The following ZNF407 variants were observed in gnomAD, a reference collection of about 807,000 sequenced individuals.
The protein encoded by ZNF407 is zinc finger protein 407.
ZNF407 carries 17 observed loss-of-function variants against 131.2 expected under a neutral mutation model. The observed-to-expected ratio is 0.13, with a 90% CI of 0.09 to 0.19. The LOEUF (loss-of-function observed/expected upper bound fraction) is 0.19. ZNF407 is among the 10% of genes least tolerant of loss of function. The pLI, the probability that ZNF407 is intolerant of heterozygous loss-of-function variation, is 1.00. For missense variants in ZNF407, 2,681 were observed against 2,830.6 expected (o/e 0.95, Z 1.20); for synonymous variants, 1,156 against 1,062.0 (o/e 1.09, Z -1.72).
chr18:74,943,467 CAGTT>C (rs1434622483), intron 8 of ZNF407, among the ~76,000 whole-genome samples: 1 of 152,136 alleles, frequency 6.6e-6, no homozygotes, highest in Non-Finnish European at 1.5e-5. Flanking sequence ...CATGAAAACA[CAGTT>C]TGTTTGTCAC....
At chr18:75,044,128 C>T (rs1973405175) in intron 8 of ZNF407, among the ~76,000 whole-genome samples, 1 of 152,076 alleles carries the variant, frequency 6.6e-6, no homozygotes, top group Non-Finnish European at 1.5e-5. Flanking sequence ...AGCAGTTGAC[C>T]TCTTCCGACA....
chr18:74,916,523 G>A (rs1282637690), intron 7 of ZNF407, among the ~76,000 whole-genome samples: 3 of 117,814 alleles, frequency 2.5e-5, no homozygotes, highest in East Asian at 2.7e-4. Context: ...GGTATGGTGA[G>A]GTTGTGTGCA....
chr18:74,697,025 G>A (rs1967375543), intron 3 of ZNF407, among the ~76,000 whole-genome samples: 1 of 152,210 alleles, frequency 6.6e-6, no homozygotes, highest in Non-Finnish European at 1.5e-5. Flanking sequence ...GTCTCCAAAT[G>A]ATAAGGCATA....
chr18:74,905,253 T>G (rs879879988), intron 7 of ZNF407: 8 of 152,260 alleles, frequency 5.3e-5, no homozygotes, highest in Non-Finnish European at 1.2e-4. Context: ...ACTTTCCATA[T>G]AAACCGAAGC....
intron 7 of ZNF407, among the ~76,000 whole-genome samples, chr18:74,911,513 C>T (rs751164952): frequency 7.2e-5 from 11 of 152,176 alleles, no homozygotes; most frequent in Non-Finnish European, 1.6e-4. Flanking sequence ...GATTTTTATA[C>T]ATGTGTCATA....
chr18:74,991,345 G>T (rs1972716525), intron 8 of ZNF407, among the ~76,000 whole-genome samples: 1 of 152,112 alleles, frequency 6.6e-6, no homozygotes, highest in Non-Finnish European at 1.5e-5. Context: ...GTTTTCAGTA[G>T]CTTTTACCTT....
At chr18:74,719,377 A>ACTTG (rs1469120960) in intron 3 of ZNF407, among the ~76,000 whole-genome samples, 2 of 112,972 alleles carry the variant, frequency 1.8e-5, no homozygotes, top group African/African-American at 6.1e-5. Context: ...TCTACTTTTT[A>ACTTG]CTTGCTTGCT....
intron 8 of ZNF407, among the ~76,000 whole-genome samples, chr18:74,973,716 G>A (rs1972498020): frequency 1.3e-5 from 2 of 152,170 alleles, no homozygotes; most frequent in South Asian, 4.1e-4. Flanking sequence ...CTGCGATCAA[G>A]GTGTTGGTCA....
chr18:74,856,071 C>T (rs1032375314), intron 4 of ZNF407, among the ~76,000 whole-genome samples: 4 of 152,110 alleles, frequency 2.6e-5, no homozygotes, highest in African/African-American at 4.8e-5. Context: ...TTGTTTTGTT[C>T]GGACTTTTTT....
chr18:75,002,822 G>C, intron 8 of ZNF407, among the ~76,000 whole-genome samples: 1 of 138,730 alleles, frequency 7.2e-6, no homozygotes, highest in Admixed American at 7.2e-5. Context: ...AAAAAAAAAA[G>C]AGGTCAGGAA....
intron 7 of ZNF407, among the ~76,000 whole-genome samples, chr18:74,916,343 T>G (rs1434354304): frequency 4.1e-5 from 2 of 49,058 alleles, no homozygotes; most frequent in Non-Finnish European, 7.7e-5. Flanking sequence ...GAATCGGGAG[T>G]GTGTGTGTGT....
chr18:74,676,726 G>GCACA (rs1555676105), intron 3 of ZNF407, among the ~76,000 whole-genome samples: 1 of 152,036 alleles, frequency 6.6e-6, no homozygotes, highest in Non-Finnish European at 1.5e-5. Flanking sequence ...GAGCCACTGT[G>GCACA]CCCGGCCAGT....
At chr18:74,675,555 C>G (rs1156242844) in intron 3 of ZNF407, among the ~76,000 whole-genome samples, 1 of 152,170 alleles carries the variant, frequency 6.6e-6, no homozygotes, top group Non-Finnish European at 1.5e-5. Context: ...TAATATAAAG[C>G]AGAGTATTGT....
chr18:74,638,919 T>C (rs2144684772), intron 2 of ZNF407, among the ~76,000 whole-genome samples: 1 of 152,274 alleles, frequency 6.6e-6, no homozygotes, highest in Admixed American at 6.5e-5. Flanking sequence ...AGGGCCCTTT[T>C]TTTTTCTTTA....
chr18:75,029,592 C>T (rs907316324), intron 8 of ZNF407, among the ~76,000 whole-genome samples: 6 of 152,048 alleles, frequency 3.9e-5, no homozygotes, highest in South Asian at 2.1e-4. Context: ...CGTGTGTGTG[C>T]GTATGTGTGC....
rs577406411 is a variant in ZNF407, at chr18:75,044,643, C to T, written c.5429-18507C>T. On this transcript the variant is annotated intron_variant, in intron 8 of 8. Coordinates refer to ENST00000299687, the MANE Select transcript of ZNF407 (RefSeq NM_017757.3). ...CACTATGGCCCGTGTCAAAAACTTG[C>T]GGATTGTTGTGATCATGAGGTTTCC... 1.8e-4 allele frequency among the ~76,000 whole-genome samples: 27 copies of T among 152,178 alleles called. No individual in the cohort carries two copies. The South Asian group carries it at 4.8e-3, about 27-fold the overall frequency.
At chr18:75,016,644 C>T (rs917043597) in intron 8 of ZNF407, among the ~76,000 whole-genome samples, 1 of 152,088 alleles carries the variant, frequency 6.6e-6, no homozygotes, top group Admixed American at 6.6e-5. Flanking sequence ...AGGATATCGA[C>T]AACAATAAAG....
At chr18:74,628,708 C>T (rs926411868) in intron 1 of ZNF407, among the ~76,000 whole-genome samples, 2 of 152,020 alleles carry the variant, frequency 1.3e-5, no homozygotes, top group Non-Finnish European at 1.5e-5. Context: ...GCTTCAGCTC[C>T]GGAGTTAGGA....
intron 8 of ZNF407, among the ~76,000 whole-genome samples, chr18:74,961,271 A>G (rs1053034088): frequency 2.0e-5 from 3 of 152,184 alleles, no homozygotes; most frequent in African/African-American, 7.2e-5. Context: ...CTCTATCTCC[A>G]TATCACATAT....
Sources: allele counts gnomAD v4.1 joint callset (sites outside exome capture counted in the v4.1 genomes callset), GRCh38; gene constraint gnomAD v4.1.1; transcripts MANE v1.5; gene names NCBI Gene and HGNC (gene_info 2026-07-23, HGNC 2026-07-21).